EFL1: variants seen among roughly 807,000 people sequenced by gnomAD.
EFL1 encodes the protein elongation factor like GTPase 1.
A neutral mutation model predicts 126.7 loss-of-function variants in EFL1; 76 were observed. The observed-to-expected ratio is 0.60, with a 90% CI of 0.50 to 0.73. The LOEUF (loss-of-function observed/expected upper bound fraction) is 0.73. Ranked by LOEUF, EFL1 falls within the 30% of genes least tolerant of loss-of-function variation. The pLI, the probability that EFL1 is intolerant of heterozygous loss-of-function variation, is 0.00. For synonymous variants in EFL1, 410 were observed against 448.4 expected (o/e 0.91, Z 1.08); for missense variants, 1,128 against 1,343.2 (o/e 0.84, Z 2.50).
chr15:82,234,452 C>T (rs2074852419), intron 7 of EFL1, among the ~76,000 whole-genome samples: 1 of 152,126 alleles, frequency 6.6e-6, no homozygotes, highest in Non-Finnish European at 1.5e-5. Flanking sequence ...TTTCTATTTT[C>T]ATCATATATG....
chr15:82,131,948 C>T (rs1019713732), intron 19 of EFL1, among the ~76,000 whole-genome samples: 2 of 151,946 alleles, frequency 1.3e-5, no homozygotes, highest in African/African-American at 2.4e-5. Flanking sequence ...CAAGAGCCAT[C>T]AAGTATGTAT....
intron 15 of EFL1, among the ~76,000 whole-genome samples, chr15:82,173,124 C>A (rs565263868): frequency 6.6e-6 from 1 of 151,976 alleles, no homozygotes; most frequent in South Asian, 2.1e-4. Context: ...ATCGAAAGCA[C>A]CCTTCAATAT....
intron 15 of EFL1, among the ~76,000 whole-genome samples, chr15:82,185,779 C>T (rs1364434602): frequency 2.0e-5 from 3 of 152,110 alleles, no homozygotes; most frequent in Non-Finnish European, 2.9e-5. Flanking sequence ...ATATTCAGGA[C>T]TCTACTGTTG....
chr15:82,155,738 C>T (rs1314083297), intron 17 of EFL1, among the ~76,000 whole-genome samples: 1 of 152,192 alleles, frequency 6.6e-6, no homozygotes, highest in Non-Finnish European at 1.5e-5. Flanking sequence ...TTTGCCACCA[C>T]TTGATAATAT....
At chr15:82,207,307 T>TATATATATACACAC (rs141904056) in intron 15 of EFL1, among the ~76,000 whole-genome samples, 26 of 145,418 alleles carry the variant, frequency 1.8e-4, no homozygotes, top group African/African-American at 4.9e-4. Context: ...TATATATATA[T>TATATATATACACAC]ACACACACAC....
At chr15:82,230,716 T>C (rs1456959137) in intron 8 of EFL1, 132 bp downstream of exon 8, 4 of 1,066,910 alleles carry the variant, frequency 3.7e-6, no homozygotes, top group Admixed American at 3.0e-5. Context: ...CCCAATTATA[T>C]ACAGTAAAAA....
intron 15 of EFL1, among the ~76,000 whole-genome samples, chr15:82,196,094 T>C (rs1323668829): frequency 6.6e-6 from 1 of 152,054 alleles, no homozygotes. Flanking sequence ...TCGTGGTATA[T>C]TCAGGAGTGC....
chr15:82,194,041 T>C (rs1407474801), intron 15 of EFL1, among the ~76,000 whole-genome samples: 2 of 152,130 alleles, frequency 1.3e-5, no homozygotes, highest in East Asian at 1.9e-4. Context: ...AGTGTAATCT[T>C]AGAGAAAGAA....
At chr15:82,260,405 C>A (rs1596016075) in intron 2 of EFL1, among the ~76,000 whole-genome samples, 1 of 152,164 alleles carries the variant, frequency 6.6e-6, no homozygotes, top group East Asian at 1.9e-4. Flanking sequence ...TCCATACTCA[C>A]ATTACTTCAG....
chr15:82,260,054 A>T (rs2075099848), intron 2 of EFL1, among the ~76,000 whole-genome samples: 1 of 152,188 alleles, frequency 6.6e-6, no homozygotes, highest in South Asian at 2.1e-4. Flanking sequence ...ACTTTGCTTT[A>T]TTCACAGCAG....
intron 15 of EFL1, among the ~76,000 whole-genome samples, chr15:82,176,549 A>G (rs1029784324): frequency 6.6e-6 from 1 of 152,212 alleles, no homozygotes; most frequent in African/African-American, 2.4e-5. Flanking sequence ...CAAATCAGTA[A>G]ACAACAATGG....
In EFL1 at chr15:82,261,724, T is replaced by C. The variant is rs1412817232; in HGVS notation, c.55A>G (p.Ile19Val). The C allele has an allele frequency of 6.2e-7, 1 of 1,614,126 alleles. No individual in the cohort carries two copies. The highest frequency in any genetic ancestry group is 8.5e-7 in the Non-Finnish European group (1 of 1,180,024). Residue 19 changes from isoleucine (I) to valine (V), a missense_variant, in exon 2 of 20, where the codon ATC becomes GTC. Physicochemically the swap from Ile to Val is conservative, Grantham distance 29. Around this residue, in one of 6 missense-constraint regions of EFL1, gnomAD observed 118 missense variants for 188.1 expected, o/e 0.63. Transcript: ENST00000268206. ...TGAGCCAAAACACAAATATTCCTGATGTTGGCAGTGTTTTTCTGGAGTTGA... is the reference window on the plus strand; with the variant it reads ...TGAGCCAAAACACAAATATTCCTGACGTTGGCAGTGTTTTTCTGGAGTTGA... Reference protein sequence around the residue: ...MIQLQKNTANIRNICVLAHVD... With the variant: ...MIQLQKNTANVRNICVLAHVD...
chr15:82,158,062 G>A (rs10152266), intron 16 of EFL1, among the ~76,000 whole-genome samples: 10,201 of 152,080 alleles, frequency 0.067, 507 homozygotes, highest in African/African-American at 0.13. Flanking sequence ...TGACACATCC[G>A]CAAGCTTACC....
At chr15:82,223,098 C>T (rs1021922104) in intron 12 of EFL1, among the ~76,000 whole-genome samples, 14 of 152,070 alleles carry the variant, frequency 9.2e-5, no homozygotes, top group Admixed American at 3.3e-4. Flanking sequence ...TGTTTCCTGC[C>T]TTACTTTTCT....
chr15:82,157,400 A>C (rs2073979299), intron 17 of EFL1: 1 of 196,048 alleles, frequency 5.1e-6, no homozygotes, highest in Non-Finnish European at 1.0e-5. Flanking sequence ...CAACATTTAC[A>C]AAATAATATC....
chr15:82,247,755 G>A (rs1388817685), intron 4 of EFL1, among the ~76,000 whole-genome samples: 1 of 152,078 alleles, frequency 6.6e-6, no homozygotes, highest in Non-Finnish European at 1.5e-5. Flanking sequence ...GTTTTGGTAA[G>A]GAAGGGAATA....
intron 15 of EFL1, among the ~76,000 whole-genome samples, chr15:82,202,505 TA>T (rs1416718092): frequency 9.2e-5 from 14 of 152,174 alleles, no homozygotes; most frequent in Non-Finnish European, 1.2e-4. Context: ...TGCTTTTTGA[TA>T]TTTTTTTGAA....
chr15:82,182,616 G>A (rs1338375878), intron 15 of EFL1, among the ~76,000 whole-genome samples: 1 of 152,072 alleles, frequency 6.6e-6, no homozygotes, highest in East Asian at 1.9e-4. Flanking sequence ...GAGATCAGGA[G>A]ATCGAGACCA....
chr15:82,136,295 T>C (rs1029090157), intron 19 of EFL1, among the ~76,000 whole-genome samples: 4 of 152,154 alleles, frequency 2.6e-5, no homozygotes, highest in African/African-American at 9.7e-5. Context: ...TTAACCTACA[T>C]CCTCTTTGTT....
Sources: allele counts gnomAD v4.1 joint callset (sites outside exome capture counted in the v4.1 genomes callset), GRCh38; gene constraint gnomAD v4.1.1; regional missense constraint gnomAD v4.1.1; transcripts MANE v1.5; gene names NCBI Gene and HGNC (gene_info 2026-07-23, HGNC 2026-07-21).